TRIO: variants seen among roughly 807,000 people sequenced by gnomAD.
The protein encoded by TRIO is trio Rho guanine nucleotide exchange factor, also known as triple functional domain protein.
TRIO carries 58 observed loss-of-function variants against 351.9 expected under a neutral mutation model. The ratio of observed to expected loss-of-function variants is 0.16; its 90% CI spans 0.13 to 0.21. The LOEUF is 0.21. Ranked by LOEUF, TRIO falls within the 10% of genes least tolerant of loss-of-function variation. TRIO has a pLI of 1.00. For missense variants in TRIO, 3,201 were observed against 4,027.8 expected (o/e 0.79, Z 5.56); for synonymous variants, 1,758 against 1,595.7 (o/e 1.10, Z -2.42).
intron 8 of TRIO, among the ~76,000 whole-genome samples, chr5:14,307,499 C>T (rs1034310705): frequency 6.6e-6 from 1 of 152,344 alleles, no homozygotes; most frequent in Non-Finnish European, 1.5e-5. Context: ...GCCCCCAGTT[C>T]TCGTGGGCTG....
chr5:14,406,753 C>A, intron 33 of TRIO, 81 bp downstream of exon 33: 1 of 1,378,484 alleles, frequency 7.3e-7, no homozygotes, highest in Non-Finnish European at 1.0e-6. Flanking sequence ...TTCTGTTACT[C>A]ACAGTTTGTC....
At chr5:14,262,032 G>T (rs544708855) in intron 1 of TRIO, among the ~76,000 whole-genome samples, 1 of 152,176 alleles carries the variant, frequency 6.6e-6, no homozygotes. Flanking sequence ...CCAGAACTGC[G>T]AATTGTAGAG....
chr5:14,214,265 T>C (rs1200569465), intron 1 of TRIO, among the ~76,000 whole-genome samples: 1 of 152,106 alleles, frequency 6.6e-6, no homozygotes, highest in Non-Finnish European at 1.5e-5. Flanking sequence ...AGCCGTGGTG[T>C]TCATGGTTAG....
In TRIO at chr5:14,286,678, G is replaced by A. The variant is rs1736470711; in HGVS notation, c.348-193G>A. ...GTTTTGCAGGTTGAACATGAAGCGT[G>A]TATAGCCTGGGTCTCTTCCTTTATG... On this transcript the variant is annotated intron_variant, in intron 3 of 56. Transcript: ENST00000344204. This position sits in a 1 kb window ranked among gnomAD's most constrained non-coding sequence, Gnocchi z 4.4. 6.6e-6 allele frequency among the ~76,000 whole-genome samples: 1 copy of A among 152,222 alleles called. No homozygotes were observed. Among genetic ancestry groups the A allele is most frequent in the Admixed American group, 6.5e-5 (1 of 15,284 alleles).
At chr5:14,299,402 A>C (rs1013562372) in intron 7 of TRIO, among the ~76,000 whole-genome samples, 4 of 152,194 alleles carry the variant, frequency 2.6e-5, no homozygotes, top group African/African-American at 9.6e-5. Flanking sequence ...ATGAAGAAGG[A>C]GCCCAGCGTG....
At chr5:14,170,161 T>G (rs1427599438) in intron 1 of TRIO, among the ~76,000 whole-genome samples, 1 of 152,234 alleles carries the variant, frequency 6.6e-6, no homozygotes, top group Non-Finnish European at 1.5e-5. Context: ...TATAACATGT[T>G]TGGAAAGCCT....
intron 30 of TRIO, 180 bp downstream of exon 30, chr5:14,399,250 T>G (rs568310951): frequency 1.6e-6 from 1 of 634,248 alleles, no homozygotes; most frequent in Non-Finnish European, 2.7e-6. Flanking sequence ...TCAAGTCCAC[T>G]AGAGGGTGCT....
At chr5:14,486,762 C>T (rs1755946101) in intron 47 of TRIO, among the ~76,000 whole-genome samples, 1 of 152,126 alleles carries the variant, frequency 6.6e-6, no homozygotes, top group Non-Finnish European at 1.5e-5. Flanking sequence ...GCTTCTTGCA[C>T]ACCCCTTAGT....
chr5:14,476,598 C>G (rs1755092331), intron 40 of TRIO, among the ~76,000 whole-genome samples: 1 of 151,900 alleles, frequency 6.6e-6, no homozygotes, highest in Admixed American at 6.6e-5. Context: ...TTGAGACCAG[C>G]CTGGCCAACA....
At position 14,419,792 on chromosome 5, in the gene TRIO, T is replaced by G; in HGVS notation, c.4974T>G (p.Cys1658Trp). ...TLDSDKLSGG[C>W]ELTVVIHDFT... ...GTTCCCCCCAGCTCTCTGGTGGCTGTGAGCTGACAGTGGTGATCCATGACT... is the reference window on the plus strand; with the variant it reads ...GTTCCCCCCAGCTCTCTGGTGGCTGGGAGCTGACAGTGGTGATCCATGACT... Residue 1658 changes from cysteine to tryptophan, a missense_variant, in exon 34 of 57, where the codon TGT becomes TGG. Physicochemically the swap from Cys to Trp is radical, Grantham distance 215. Around this residue, in one of 19 missense-constraint regions of TRIO, gnomAD observed 136 missense variants for 229.5 expected, o/e 0.59. Coordinates refer to ENST00000344204, the MANE Select transcript of TRIO (RefSeq NM_007118.4). 1 of 1,614,150 alleles carries G rather than the reference T, an allele frequency of 6.2e-7. No homozygotes were observed. The highest frequency in any genetic ancestry group is 8.5e-7 in the Non-Finnish European group (1 of 1,180,012).
intron 34 of TRIO, 156 bp downstream of exon 34, chr5:14,420,177 TC>T (rs1749999797): frequency 8.9e-7 from 1 of 1,119,046 alleles, no homozygotes; most frequent in South Asian, 1.6e-5. Context: ...TTCCAGTCCA[TC>T]AGCACCTGAA....
intron 1 of TRIO, among the ~76,000 whole-genome samples, chr5:14,254,299 TCAA>T (rs1303430464): frequency 6.6e-6 from 1 of 151,382 alleles, no homozygotes; most frequent in Non-Finnish European, 1.5e-5. Context: ...TTCCCCTGCC[TCAA>T]CCTCCCAAGT....
chr5:14,246,952 C>T (rs775004527), intron 1 of TRIO, among the ~76,000 whole-genome samples: 6 of 152,248 alleles, frequency 3.9e-5, no homozygotes, highest in Non-Finnish European at 7.3e-5. Flanking sequence ...CTCACTGAGT[C>T]CCTTTGCCTT....
chr5:14,430,684 G>GTTTTATTTTATTTTA (rs375606260), intron 34 of TRIO, among the ~76,000 whole-genome samples: 2 of 94,412 alleles, frequency 2.1e-5, no homozygotes, highest in Middle Eastern at 5.1e-3. Context: ...AGTGAATTTC[G>GTTTTATTTTATTTTA]TTTTATTTTA....
At position 14,286,727 on chromosome 5, in the gene TRIO, G is replaced by T; in HGVS notation, c.348-144G>T. 2 of 755,744 alleles carry T rather than the reference G, an allele frequency of 2.6e-6. No homozygotes were observed. The highest frequency in any genetic ancestry group is 4.2e-6 in the Non-Finnish European group (2 of 477,458). The allele number at this position is 755,744 out of a possible 1,614,324, so 46.8% of individuals were successfully genotyped here. A position where few individuals can be genotyped will look rare whatever the true frequency, so the allele number is the denominator to read the frequency against. Reference sequence around the variant, plus strand: ...TGGTACAAGGGAGGGACGAGAAGGAGCTGAGCACAGTGTGCTCCTTCCCCT... The same window carrying T: ...TGGTACAAGGGAGGGACGAGAAGGATCTGAGCACAGTGTGCTCCTTCCCCT... On this transcript the variant is annotated intron_variant, in intron 3 of 56. Coordinates refer to ENST00000344204, the MANE Select transcript of TRIO (RefSeq NM_007118.4). This position sits in a 1 kb window ranked among gnomAD's most constrained non-coding sequence, Gnocchi z 4.4.
chr5:14,417,189 C>A (rs2152387674), intron 33 of TRIO, among the ~76,000 whole-genome samples: 1 of 152,284 alleles, frequency 6.6e-6, no homozygotes, highest in South Asian at 2.1e-4. Flanking sequence ...TGTTCAGAGA[C>A]CTGAAAAATT....
chr5:14,406,400 A>G (rs1380243510), intron 32 of TRIO, 173 bp from the exon 33 acceptor site: 2 of 645,204 alleles, frequency 3.1e-6, no homozygotes, highest in Non-Finnish European at 5.5e-6. Flanking sequence ...CACTCAGCAC[A>G]GTGCCTAGCA....
At chr5:14,435,924 T>C (rs972084064) in intron 34 of TRIO, among the ~76,000 whole-genome samples, 1 of 152,224 alleles carries the variant, frequency 6.6e-6, no homozygotes, top group Non-Finnish European at 1.5e-5. Flanking sequence ...TCCGTTTTGT[T>C]GGAGAATGGT....
At chr5:14,306,179 T>C (rs986835654) in intron 8 of TRIO, among the ~76,000 whole-genome samples, 71 of 152,378 alleles carry the variant, frequency 4.7e-4, no homozygotes, top group African/African-American at 1.6e-3. Flanking sequence ...TGGTATTTGT[T>C]TGTTTCTTTA....
Sources: allele counts gnomAD v4.1 joint callset (sites outside exome capture counted in the v4.1 genomes callset), GRCh38; gene constraint gnomAD v4.1.1; regional missense constraint gnomAD v4.1.1; non-coding constraint Gnocchi (gnomAD v3.1); transcripts MANE v1.5; gene names NCBI Gene and HGNC (gene_info 2026-07-23, HGNC 2026-07-21).